Variants in AAMDC observed in about 807,000 individuals in gnomAD.
AAMDC encodes the protein adipogenesis associated Mth938 domain containing, also known as mth938 domain-containing protein.
AAMDC carries 16 observed loss-of-function variants against 15.5 expected under a neutral mutation model. The ratio of observed to expected loss-of-function variants is 1.03; its 90% CI spans 0.70 to 1.57. The LOEUF is 1.57. AAMDC is among the 40% of genes most tolerant of loss of function. The pLI is 0.00. For missense variants in AAMDC, 141 were observed against 144.9 expected, an observed-to-expected ratio of 0.97 and a Z score of 0.14; for synonymous variants, 51 against 51.6, an observed-to-expected ratio of 0.99 and a Z score of 0.05.
chr11:77,840,653 C>T (rs2136127622), intron 1 of AAMDC, among the ~76,000 whole-genome samples: 1 of 152,290 alleles, frequency 6.6e-6, no homozygotes, highest in South Asian at 2.1e-4. Context: ...AAGTGAAATT[C>T]CCACCTTGGC....
At chr11:77,858,159 C>T (rs1308814175) in intron 2 of AAMDC, among the ~76,000 whole-genome samples, 1 of 150,162 alleles carries the variant, frequency 6.7e-6, no homozygotes, top group East Asian at 2.0e-4. Context: ...GCTGAGACTA[C>T]AGTTGTGTGC....
chr11:77,841,112 A>G, intron 1 of AAMDC: 1 of 678,174 alleles, frequency 1.5e-6, no homozygotes, highest in Non-Finnish European at 2.7e-6. Flanking sequence ...CACATGGTGG[A>G]AGCACCAAGA....
At chr11:77,880,571 G>A (rs978050508) in intron 5 of AAMDC, among the ~76,000 whole-genome samples, 1 of 152,088 alleles carries the variant, frequency 6.6e-6, no homozygotes, top group Non-Finnish European at 1.5e-5. Context: ...ATCAAAATAG[G>A]TACCTATATC....
intron 2 of AAMDC, among the ~76,000 whole-genome samples, chr11:77,854,696 G>A (rs933640694): frequency 1.1e-4 from 16 of 152,266 alleles, no homozygotes; most frequent in Non-Finnish European, 7.4e-5. Context: ...GTGCCTGCGG[G>A]TTTTCCAGGT....
chr11:77,883,807 T>C, intron 5 of AAMDC: 1 of 1,610,350 alleles, frequency 6.2e-7, no homozygotes. Context: ...ATATTTCCCT[T>C]CCCACCCTGG....
intron 5 of AAMDC, among the ~76,000 whole-genome samples, chr11:77,886,650 T>G (rs9667494): frequency 6.6e-6 from 1 of 152,140 alleles, no homozygotes; most frequent in Non-Finnish European, 1.5e-5. Flanking sequence ...GCCAAGGGAA[T>G]GGGCTTGGCG....
chr11:77,902,693 C>G (rs143758808), downstream of AAMDC, among the ~76,000 whole-genome samples: 1,673 of 152,272 alleles, frequency 0.011, 32 homozygotes, highest in African/African-American at 0.036. Context: ...ATAACAGTCA[C>G]CATCATTAGC....
chr11:77,839,848 G>A (rs1949851113), intron 1 of AAMDC, among the ~76,000 whole-genome samples: 1 of 152,100 alleles, frequency 6.6e-6, no homozygotes, highest in South Asian at 2.1e-4. Flanking sequence ...AGAGCATCAG[G>A]ATAAATAGCT....
At chr11:77,886,532 AC>A (rs1356228162) in intron 5 of AAMDC, among the ~76,000 whole-genome samples, 1 of 152,222 alleles carries the variant, frequency 6.6e-6, no homozygotes, top group Non-Finnish European at 1.5e-5. Flanking sequence ...GGCGGGAGTA[AC>A]TATGACTCTC....
intron 1 of AAMDC, chr11:77,840,874 T>G: frequency 3.8e-6 from 1 of 263,878 alleles, no homozygotes; most frequent in Non-Finnish European, 7.2e-6. Flanking sequence ...TGTTCTTCTG[T>G]TTATTTGTGT....
At chr11:77,874,803 G>A (rs890358973), downstream of AAMDC, among the ~76,000 whole-genome samples, 37 of 152,118 alleles carry the variant, frequency 2.4e-4, no homozygotes, top group Admixed American at 2.2e-3. Context: ...TTGGGAGGCC[G>A]AGGTGGGCAG....
chr11:77,881,879 G>C (rs1356456870), intron 5 of AAMDC, among the ~76,000 whole-genome samples: 1 of 151,878 alleles, frequency 6.6e-6, no homozygotes, highest in Non-Finnish European at 1.5e-5. Context: ...CGACCATTCA[G>C]AGGAGGTGAT....
At chr11:77,894,326 C>T (rs763128428) in intron 5 of AAMDC, 2 of 1,565,380 alleles carry the variant, frequency 1.3e-6, no homozygotes, top group Admixed American at 1.8e-5. Flanking sequence ...AAATTTTTCA[C>T]ACATCCCAAA....
chr11:77,837,152 T>A (rs1302799470), intron 1 of AAMDC, among the ~76,000 whole-genome samples: 1 of 152,222 alleles, frequency 6.6e-6, no homozygotes, highest in Admixed American at 6.5e-5. Flanking sequence ...TGCTTGTTTT[T>A]TGAGACGTAG....
At chr11:77,890,264 C>G (rs1303939572) in intron 5 of AAMDC, among the ~76,000 whole-genome samples, 1 of 152,196 alleles carries the variant, frequency 6.6e-6, no homozygotes, top group Non-Finnish European at 1.5e-5. Context: ...AGCCAGAAGG[C>G]CTGTTCCTCT....
intron 1 of AAMDC, among the ~76,000 whole-genome samples, chr11:77,827,930 A>G (rs1205146058): frequency 6.6e-6 from 1 of 152,198 alleles, no homozygotes; most frequent in Admixed American, 6.5e-5. Context: ...GATACAAGAT[A>G]AATACTCAAA....
At chr11:77,878,152 G>A (rs1311773209) in intron 5 of AAMDC, among the ~76,000 whole-genome samples, 1 of 152,096 alleles carries the variant, frequency 6.6e-6, no homozygotes, top group African/African-American at 2.4e-5. Context: ...CACGAGGTCA[G>A]GAGATCAAGA....
downstream of AAMDC, chr11:77,901,657 A>AT (rs1475574995): frequency 1.3e-6 from 1 of 799,576 alleles, no homozygotes; most frequent in African/African-American, 1.8e-5. Context: ...CTTAACTGAG[A>AT]TTTTACATCC....
At chr11:77,884,607 T>G (rs1202027223) in intron 5 of AAMDC, among the ~76,000 whole-genome samples, 1 of 152,204 alleles carries the variant, frequency 6.6e-6, no homozygotes, top group African/African-American at 2.4e-5. Flanking sequence ...AATATACTTA[T>G]GAAGGCAGAG....
Sources: gnomAD v4.1 joint callset for allele counts (sites outside exome capture counted in the v4.1 genomes callset) on GRCh38, gnomAD v4.1.1 for gene constraint, MANE v1.5 for transcripts, NCBI Gene and HGNC (gene_info 2026-07-23, HGNC 2026-07-21) for gene names.